TNNT1: variants seen among roughly 807,000 people sequenced by gnomAD.
The protein encoded by TNNT1 is troponin T, slow skeletal muscle.
TNNT1 carries 53 observed loss-of-function variants against 50.6 expected under a neutral mutation model. The observed-to-expected ratio is 1.05, with a 90% CI of 0.84 to 1.32. The LOEUF is 1.32. Among genes scored for constraint, TNNT1 ranks in the 40% most tolerant of loss-of-function variants. The pLI is 0.00. For synonymous variants in TNNT1, 142 were observed against 138.0 expected (o/e 1.03, Z -0.20); for missense variants, 348 against 381.7 (o/e 0.91, Z 0.74).
intron 11 of TNNT1, among the ~76,000 whole-genome samples, chr19:55,134,911 C>A (rs1371455713): frequency 6.7e-6 from 1 of 149,610 alleles, no homozygotes. Flanking sequence ...CAGTTAGAAG[C>A]CCCTGGTTCA....
chr19:55,137,842 C>G (rs1450585246), intron 10 of TNNT1, 119 bp downstream of exon 10: 3 of 1,300,102 alleles, frequency 2.3e-6, no homozygotes, highest in African/African-American at 1.5e-5. Flanking sequence ...GGCCCAGCCC[C>G]TCCTCCCTCA....
Position 55,147,106 on chromosome 19 carries a change from C to T in TNNT1, c.32+20G>A, listed in dbSNP as rs757461861. 8 of 1,613,662 alleles carry T rather than the reference C, an allele frequency of 5.0e-6. No individual in the cohort carries two copies. The highest frequency in any genetic ancestry group is 1.1e-5 in the South Asian group (1 of 90,952). On this transcript the variant is annotated intron_variant, in intron 2 of 13. Coordinates refer to ENST00000588981, the MANE Select transcript of TNNT1 (RefSeq NM_003283.6). ...CTCTCCACCACTGCACGCCCCAACC[C>T]CTCCCAGTGCAGCACTCACTCCTCA...
At chr19:55,133,746 G>A in intron 13 of TNNT1, 141 bp downstream of exon 13, 1 of 926,872 alleles carries the variant, frequency 1.1e-6, no homozygotes, top group East Asian at 2.4e-5. Flanking sequence ...AGCAGAGAGA[G>A]GAGGACAGAG....
chr19:55,148,443 G>T (rs1188772550), intron 1 of TNNT1, among the ~76,000 whole-genome samples: 3 of 151,878 alleles, frequency 2.0e-5, no homozygotes, highest in Non-Finnish European at 4.4e-5. Flanking sequence ...TAGGCCACAG[G>T]GTGCCTAGCC....
At chr19:55,139,636 T>C (rs1241743272) in intron 9 of TNNT1, among the ~76,000 whole-genome samples, 1 of 152,046 alleles carries the variant, frequency 6.6e-6, no homozygotes, top group Non-Finnish European at 1.5e-5. Flanking sequence ...CAGGACAACC[T>C]TCCCATCTCA....
chr19:55,137,247 G>T, intron 10 of TNNT1, 35 bp from the exon 11 acceptor site: 2 of 1,470,902 alleles, frequency 1.4e-6, no homozygotes, highest in African/African-American at 1.4e-5. Context: ...TAAACTGGGG[G>T]CCACATCCCA....
At chr19:55,133,961 G>A (rs200338507) in intron 12 of TNNT1, 34 bp from the exon 13 acceptor site, 19 of 1,613,060 alleles carry the variant, frequency 1.2e-5, no homozygotes, top group East Asian at 2.2e-5. Context: ...TGGGACAGCC[G>A]GTGGGGACGT....
At chr19:55,148,569 T>C (rs1299056731) in intron 1 of TNNT1, among the ~76,000 whole-genome samples, 1 of 151,728 alleles carries the variant, frequency 6.6e-6, no homozygotes, top group East Asian at 1.9e-4. Context: ...AGTCCAGATA[T>C]GGGCCGGGAC....
intron 1 of TNNT1, among the ~76,000 whole-genome samples, chr19:55,147,628 G>C (rs1408650719): frequency 6.9e-6 from 1 of 144,650 alleles, no homozygotes; most frequent in African/African-American, 2.6e-5. Flanking sequence ...GTGGACTCCT[G>C]AGACTGAGAT....
chr19:55,147,123 C>T lies in TNNT1; in HGVS notation c.32+3G>A, dbSNP rs749845738. 1 of 1,613,908 alleles carries T rather than the reference C, an allele frequency of 6.2e-7. No individual in the cohort carries two copies. Among genetic ancestry groups the T allele is most frequent in the Non-Finnish European group, 8.5e-7 (1 of 1,179,904 alleles). On this transcript the variant is annotated splice_donor_region_variant and intron_variant, in intron 2 of 13. Coordinates refer to ENST00000588981, the MANE Select transcript of TNNT1 (RefSeq NM_003283.6). ...CCCCAACCCCTCCCAGTGCAGCACT[C>T]ACTCCTCATATTCCTGCTCCTCGGT...
intron 11 of TNNT1, among the ~76,000 whole-genome samples, chr19:55,134,701 AGG>A (rs1389151448): frequency 8.7e-5 from 4 of 45,736 alleles, no homozygotes; most frequent in African/African-American, 1.9e-4. Flanking sequence ...TGGGGAGGGG[AGG>A]GGAGAGGAGA....
intron 4 of TNNT1, 44 bp from the exon 5 acceptor site, chr19:55,146,510 G>A (rs768352722): frequency 1.5e-5 from 18 of 1,239,186 alleles, no homozygotes; most frequent in Non-Finnish European, 1.9e-5. Flanking sequence ...GGGAGCGAGG[G>A]GGGAGCGGCC....
chr19:55,146,320 G>A, intron 5 of TNNT1, 114 bp downstream of exon 5: 1 of 656,956 alleles, frequency 1.5e-6, no homozygotes, highest in Non-Finnish European at 2.3e-6. Context: ...GCCTGGGGGC[G>A]GGTTATGGGG....
intron 10 of TNNT1, 98 bp downstream of exon 10, chr19:55,137,863 T>C: frequency 6.9e-7 from 1 of 1,459,308 alleles, no homozygotes. Flanking sequence ...GACCCAGGAA[T>C]CCAGGCCTCA....
intron 8 of TNNT1, 70 bp from the exon 9 acceptor site, chr19:55,141,030 TAAAC>T: frequency 5.7e-6 from 9 of 1,586,306 alleles, no homozygotes; most frequent in African/African-American, 1.3e-5. Flanking sequence ...AGTAGGCTAA[TAAAC>T]AGATTGGAGT....
chr19:55,135,544 TA>T, intron 11 of TNNT1: 1 of 236,564 alleles, frequency 4.2e-6, no homozygotes, highest in Non-Finnish European at 8.4e-6. Flanking sequence ...TTTTTTTTTT[TA>T]AGACAGAGTT....
chr19:55,133,406 G>A lies in TNNT1; in HGVS notation c.792-446C>T, dbSNP rs549300221. 1.3e-4 allele frequency: 37 copies of A among 293,338 alleles called. No homozygotes were observed. The East Asian group carries it at 2.3e-3, about 18-fold the overall frequency. 18.2% of individuals were successfully genotyped at this position (293,338 alleles called of 1,614,324 possible). ...TCAGGGAAGACCCTCTCGGCTGGGC[G>A]CGGTGGCTCACGCCTGTAATCCCAG... On this transcript the variant is annotated intron_variant, in intron 13 of 13. Transcript: ENST00000588981.
chr19:55,141,053 C>T (rs1380745285), intron 8 of TNNT1, 93 bp from the exon 9 acceptor site: 11 of 1,539,810 alleles, frequency 7.1e-6, no homozygotes, highest in Admixed American at 1.7e-5. Flanking sequence ...GTGTGGCCAC[C>T]GACTTGGGTG....
At chr19:55,141,323 C>G (rs1355953297) in intron 7 of TNNT1, 21 bp from the exon 8 acceptor site, 2 of 1,602,392 alleles carry the variant, frequency 1.2e-6, no homozygotes, top group South Asian at 1.1e-5. Context: ...CACGGGCAGC[C>G]CGTCCTAGGA....
Sources: gnomAD v4.1 joint callset for allele counts (sites outside exome capture counted in the v4.1 genomes callset) on GRCh38, gnomAD v4.1.1 for gene constraint, MANE v1.5 for transcripts, NCBI Gene and HGNC (gene_info 2026-07-23, HGNC 2026-07-21) for gene names.